The following WDR20 variants were observed in gnomAD, a reference collection of about 807,000 sequenced individuals.
WDR20 encodes WD repeat domain 20.
Under a neutral mutation model 38.7 loss-of-function variants are expected in WDR20, and 3 were observed. The observed-to-expected ratio is 0.08, with a 90% CI of 0.04 to 0.20. The LOEUF (loss-of-function observed/expected upper bound fraction) is 0.20. WDR20 is among the 10% of genes least tolerant of loss of function. The pLI is 1.00. For missense variants in WDR20, 559 were observed against 727.7 expected (o/e 0.77, Z 2.67); for synonymous variants, 298 against 285.6 (o/e 1.04, Z -0.44).
chr14:102,177,174 G>A (rs2062332359), intron 1 of WDR20, among the ~76,000 whole-genome samples: 1 of 152,166 alleles, frequency 6.6e-6, no homozygotes, highest in African/African-American at 2.4e-5. Context: ...CTCCTGATGA[G>A]ATTCTCCCAT....
chr14:102,206,014 A>T (rs2061474885), intron 2 of WDR20, among the ~76,000 whole-genome samples: 1 of 151,984 alleles, frequency 6.6e-6, no homozygotes, highest in African/African-American at 2.4e-5. Flanking sequence ...ATGGAGTCTG[A>T]CTTTGTCGCC....
downstream of WDR20, chr14:102,214,012 G>A (rs535653538): frequency 6.9e-5 from 68 of 985,490 alleles, 1 homozygote; most frequent in East Asian, 2.8e-3. Flanking sequence ...CGGGGGATCC[G>A]GTGGCCCTGC....
intron 1 of WDR20, among the ~76,000 whole-genome samples, chr14:102,184,111 A>C (rs1234290677): frequency 1.3e-5 from 2 of 152,234 alleles, no homozygotes; most frequent in Non-Finnish European, 2.9e-5. Flanking sequence ...AGGTCATTTG[A>C]ATATGTCAGC....
downstream of WDR20, among the ~76,000 whole-genome samples, chr14:102,217,247 C>T (rs939808109): frequency 3.9e-5 from 6 of 152,280 alleles, no homozygotes; most frequent in South Asian, 2.1e-4. Context: ...AGTGACAGCC[C>T]GGGCCGGTGC....
intron 1 of WDR20, among the ~76,000 whole-genome samples, chr14:102,163,489 G>A (rs781041455): frequency 6.6e-6 from 1 of 151,938 alleles, no homozygotes; most frequent in Admixed American, 6.6e-5. Flanking sequence ...TTAGCCAGGC[G>A]TGGTGGCGTG....
In WDR20 at chr14:102,208,790, A is replaced by C. The variant is rs750334971; in HGVS notation, c.620A>C (p.Lys207Thr). Reference sequence around the variant, plus strand: ...TTTGCCGTGCACACTTGCAAGAGCAAATCCACGAGGAACCCTCTCCTTAAG... The same window carrying C: ...TTTGCCGTGCACACTTGCAAGAGCACATCCACGAGGAACCCTCTCCTTAAG... ...ESFAVHTCKS[K>T]STRNPLLKWT... Residue 207 changes from lysine (K) to threonine (T), a missense_variant, in exon 3 of 3, where the codon AAA (lysine) becomes ACA (threonine). Lys to Thr is a moderately conservative substitution (Grantham distance 78, BLOSUM62 -1). Transcript: ENST00000342702. This position sits in a 1 kb window ranked among gnomAD's most constrained non-coding sequence, Gnocchi z 5.6. The C allele has an allele frequency of 6.2e-7, 1 of 1,614,258 alleles. No individual in the cohort carries two copies. The highest frequency in any genetic ancestry group is 8.5e-7 in the Non-Finnish European group (1 of 1,180,048).
chr14:102,144,801 C>T (rs927422121), intron 1 of WDR20, among the ~76,000 whole-genome samples: 4 of 151,838 alleles, frequency 2.6e-5, no homozygotes, highest in Admixed American at 2.6e-4. Flanking sequence ...CCGCCCGGGC[C>T]CAAGTGATTC....
At chr14:102,144,432 A>G (rs1392623181) in intron 1 of WDR20, among the ~76,000 whole-genome samples, 2 of 151,412 alleles carry the variant, frequency 1.3e-5, no homozygotes, top group African/African-American at 4.9e-5. Flanking sequence ...CAGTGAGCCA[A>G]GATCATACCA....
At chr14:102,155,984 C>T (rs1470940823) in intron 1 of WDR20, among the ~76,000 whole-genome samples, 1 of 148,952 alleles carries the variant, frequency 6.7e-6, no homozygotes, top group African/African-American at 2.5e-5. Flanking sequence ...TATATTATAG[C>T]CTAGGCTGGT....
At chr14:102,193,595 G>A in intron 1 of WDR20, 4 of 1,382,174 alleles carry the variant, frequency 2.9e-6, no homozygotes, top group Admixed American at 2.1e-5. Flanking sequence ...TTACCGCTCA[G>A]GTCCAGACTT....
chr14:102,168,826 C>T (rs2060271400), intron 1 of WDR20, among the ~76,000 whole-genome samples: 1 of 152,056 alleles, frequency 6.6e-6, no homozygotes, highest in South Asian at 2.1e-4. Flanking sequence ...CCACTACCAC[C>T]CTAGTTTAAG....
chr14:102,174,312 T>C (rs1391510027), intron 1 of WDR20, among the ~76,000 whole-genome samples: 1 of 152,162 alleles, frequency 6.6e-6, no homozygotes, highest in Non-Finnish European at 1.5e-5. Flanking sequence ...CTTTAAGGAA[T>C]CTCCATGCTG....
chr14:102,186,240 C>G (rs1437069334), intron 1 of WDR20, among the ~76,000 whole-genome samples: 3 of 152,160 alleles, frequency 2.0e-5, no homozygotes, highest in Non-Finnish European at 2.9e-5. Context: ...GTGGGTCTTT[C>G]CATAAGGTAA....
At chr14:102,213,618 C>T (rs1377364595), downstream of WDR20, 1 of 985,314 alleles carries the variant, frequency 1.0e-6, no homozygotes, top group Non-Finnish European at 1.2e-6. Flanking sequence ...CAGGGCTCTC[C>T]ACTGGCTGAC....
Position 102,207,900 on chromosome 14 carries a change from C to T in WDR20, c.433-703C>T, listed in dbSNP as rs2061845390. ...AGCAGAGTGATGGTAATGAGACACA[C>T]ACTCCCGAATGAATCGTCAGTGTAT... On this transcript the variant is annotated intron_variant, in intron 2 of 2. Transcript: ENST00000342702. The surrounding 1 kb of genome is among the most constrained non-coding windows in gnomAD (Gnocchi z 5.0). 6.6e-6 allele frequency among the ~76,000 whole-genome samples: 1 copy of T among 152,212 alleles called. No homozygotes were observed. The highest frequency in any genetic ancestry group is 1.5e-5 in the Non-Finnish European group (1 of 68,042).
chr14:102,204,094 A>G (rs1044877639), intron 2 of WDR20, among the ~76,000 whole-genome samples: 10 of 152,048 alleles, frequency 6.6e-5, no homozygotes, highest in African/African-American at 2.4e-4. Context: ...AACGCTTGGG[A>G]GTGGCCCTGC....
chr14:102,215,927 G>A (rs2063167442), downstream of WDR20, among the ~76,000 whole-genome samples: 1 of 152,194 alleles, frequency 6.6e-6, no homozygotes, highest in Non-Finnish European at 1.5e-5. Context: ...CCCCCTGCCT[G>A]AGGTGTGATG....
intron 1 of WDR20, among the ~76,000 whole-genome samples, chr14:102,188,256 T>TG (rs1481520745): frequency 6.6e-6 from 1 of 152,238 alleles, no homozygotes; most frequent in Non-Finnish European, 1.5e-5. Flanking sequence ...ACATGGCTGT[T>TG]GCCTGTGATG....
intron 1 of WDR20, among the ~76,000 whole-genome samples, chr14:102,155,492 T>C (rs2057158765): frequency 6.6e-6 from 1 of 152,092 alleles, no homozygotes; most frequent in Admixed American, 6.6e-5. Context: ...TTTTCAAAGG[T>C]TGAAGAGACT....
Sources: allele counts gnomAD v4.1 joint callset (sites outside exome capture counted in the v4.1 genomes callset), GRCh38; gene constraint gnomAD v4.1.1; non-coding constraint Gnocchi (gnomAD v3.1); transcripts MANE v1.5; gene names NCBI Gene and HGNC (gene_info 2026-07-23, HGNC 2026-07-21).